CDH10: variants seen among roughly 807,000 people sequenced by gnomAD.
CDH10 encodes cadherin 10, also known as cadherin-10.
Under a neutral mutation model 73.1 loss-of-function variants are expected in CDH10, and 30 were observed. The observed-to-expected ratio is 0.41, with a 90% CI of 0.31 to 0.56. The LOEUF is 0.56. Among genes scored for constraint, CDH10 ranks in the 20% least tolerant of loss-of-function variants. CDH10 has a pLI of 0.27. For missense variants in CDH10, 815 were observed against 973.7 expected, an observed-to-expected ratio of 0.84 and a Z score of 2.17; for synonymous variants, 345 against 348.2, an observed-to-expected ratio of 0.99 and a Z score of 0.10.
chr5:24,487,902 C>T lies in CDH10; in HGVS notation c.2128G>A (p.Val710Ile), dbSNP rs560951980. 8.1e-6 allele frequency: 13 copies of T among 1,613,808 alleles called. No homozygotes were observed. The East Asian group carries it at 1.8e-4, about 22-fold the overall frequency. Residue 710 changes from valine to isoleucine, a missense_variant, in exon 12 of 12, where the codon GTC becomes ATC. Transcript: ENST00000264463. The part of the protein sequence containing the change: ...RTPTAPDNTD[V>I]RDFINERLKE... ...AGCCTTTCATTAATGAAATCCCGGA[C>T]GTCCGTGTTATCTGGAGCTGTAGGA... is the stretch of plus-strand genomic sequence containing the variant.
intron 11 of CDH10, among the ~76,000 whole-genome samples, chr5:24,490,821 A>C (rs942049637): frequency 2.6e-5 from 4 of 152,196 alleles, no homozygotes; most frequent in Non-Finnish European, 5.9e-5. Context: ...ATGAAAAGTT[A>C]GCAATTATTG....
chr5:24,507,469 CTA>C (rs1742738423), intron 7 of CDH10, among the ~76,000 whole-genome samples: 2 of 151,494 alleles, frequency 1.3e-5, no homozygotes, highest in South Asian at 4.1e-4. Flanking sequence ...TCCTCATTAA[CTA>C]TTTTATTTTA....
rs377427285 is a variant in CDH10, at chr5:24,568,037, A to G, written c.231+25223T>C. 2.9e-4 allele frequency among the ~76,000 whole-genome samples: 44 copies of G among 152,282 alleles called. No individual in the cohort carries two copies. In the South Asian group the frequency reaches 8.5e-3, roughly 29 times the overall value. ...TTAAATGATTTTCCCATAATTTTATAGAGAGTAGCAGAGGGTGAAACTGAG... is the reference window on the plus strand; with the variant it reads ...TTAAATGATTTTCCCATAATTTTATGGAGAGTAGCAGAGGGTGAAACTGAG... On this transcript the variant is annotated intron_variant, in intron 2 of 11. Transcript: ENST00000264463.
At chr5:24,564,124 T>C (rs1056822009) in intron 2 of CDH10, among the ~76,000 whole-genome samples, 1 of 152,180 alleles carries the variant, frequency 6.6e-6, no homozygotes, top group Non-Finnish European at 1.5e-5. Context: ...GAAACAAATA[T>C]CTCTGTAATA....
chr5:24,633,092 A>G (rs954209707), intron 1 of CDH10, among the ~76,000 whole-genome samples: 4 of 138,218 alleles, frequency 2.9e-5, no homozygotes, highest in African/African-American at 1.1e-4. Context: ...AAATTTATTC[A>G]TGTTTACCTT....
chr5:24,628,742 G>C (rs867803278), intron 1 of CDH10, among the ~76,000 whole-genome samples: 6 of 151,776 alleles, frequency 4.0e-5, no homozygotes, highest in Non-Finnish European at 8.8e-5. Flanking sequence ...ACCCAGGTTG[G>C]TGTCTTAGTA....
chr5:24,542,116 T>C (rs932912438), intron 2 of CDH10, among the ~76,000 whole-genome samples: 11 of 152,132 alleles, frequency 7.2e-5, no homozygotes, highest in African/African-American at 2.7e-4. Context: ...GTAAAACATC[T>C]TTGTATAAAA....
chr5:24,632,544 T>C (rs1467602038), intron 1 of CDH10, among the ~76,000 whole-genome samples: 1 of 152,034 alleles, frequency 6.6e-6, no homozygotes, highest in Non-Finnish European at 1.5e-5. Context: ...AAAGTAATCT[T>C]TGTTTTCAGT....
At chr5:24,617,152 A>C (rs1747156503) in intron 1 of CDH10, among the ~76,000 whole-genome samples, 1 of 152,108 alleles carries the variant, frequency 6.6e-6, no homozygotes, top group Non-Finnish European at 1.5e-5. Context: ...ATTCTTTGTT[A>C]GGGAGGTGAA....
intron 2 of CDH10, among the ~76,000 whole-genome samples, chr5:24,582,904 T>C (rs1290417568): frequency 1.3e-5 from 2 of 152,210 alleles, no homozygotes; most frequent in African/African-American, 4.8e-5. Flanking sequence ...TAGTCATTGG[T>C]TTAGGTTGAA....
At chr5:24,624,158 C>T (rs934848222) in intron 1 of CDH10, among the ~76,000 whole-genome samples, 6 of 152,072 alleles carry the variant, frequency 3.9e-5, no homozygotes, top group Admixed American at 3.9e-4. Context: ...GAAGAAACAA[C>T]TTATAAACCA....
intron 2 of CDH10, among the ~76,000 whole-genome samples, chr5:24,546,181 TTG>T (rs139727777): frequency 5.4e-5 from 8 of 149,458 alleles, no homozygotes; most frequent in Admixed American, 6.7e-5. Flanking sequence ...TTGAAAAAAC[TTG>T]TGTGTGTGTG....
At chr5:24,511,589 G>GAGAC in intron 5 of CDH10, 75 bp from the exon 6 acceptor site, 1 of 661,022 alleles carries the variant, frequency 1.5e-6, no homozygotes, top group Non-Finnish European at 2.5e-6. Context: ...GAGAGAGAGA[G>GAGAC]AGATTTCTCA....
chr5:24,635,607 C>T (rs1438731633), intron 1 of CDH10, among the ~76,000 whole-genome samples: 1 of 149,618 alleles, frequency 6.7e-6, no homozygotes, highest in Non-Finnish European at 1.5e-5. Context: ...CGAGTCTTTC[C>T]TATCGTTTAC....
chr5:24,569,438 C>T (rs1402944013), intron 2 of CDH10, among the ~76,000 whole-genome samples: 1 of 150,954 alleles, frequency 6.6e-6, no homozygotes, highest in African/African-American at 2.4e-5. Context: ...ATTTTAGAAG[C>T]ATATTGATTT....
intron 5 of CDH10, among the ~76,000 whole-genome samples, chr5:24,520,604 A>C (rs1743285828): frequency 6.6e-6 from 1 of 152,338 alleles, no homozygotes; most frequent in African/African-American, 2.4e-5. Context: ...ATGCACATGT[A>C]AAGTATTCTT....
chr5:24,621,269 A>G (rs573378535), intron 1 of CDH10, among the ~76,000 whole-genome samples: 437 of 152,314 alleles, frequency 2.9e-3, no homozygotes, highest in South Asian at 7.9e-3. Context: ...ACTGGCTGCC[A>G]TCTAGAAACC....
intron 1 of CDH10, among the ~76,000 whole-genome samples, chr5:24,620,243 G>A (rs1747267795): frequency 6.6e-6 from 1 of 152,002 alleles, no homozygotes; most frequent in South Asian, 2.1e-4. Flanking sequence ...ACGTCCTTTT[G>A]TGAGCTCAAA....
chr5:24,546,436 C>G (rs993345235), intron 2 of CDH10, among the ~76,000 whole-genome samples: 1 of 152,108 alleles, frequency 6.6e-6, no homozygotes, highest in Non-Finnish European at 1.5e-5. Context: ...TACCTATCCC[C>G]AAACATATCA....
Sources: gnomAD v4.1 joint callset for allele counts (sites outside exome capture counted in the v4.1 genomes callset) on GRCh38, gnomAD v4.1.1 for gene constraint, MANE v1.5 for transcripts, NCBI Gene and HGNC (gene_info 2026-07-23, HGNC 2026-07-21) for gene names.